ERBB4: variants seen among roughly 807,000 people sequenced by gnomAD.
ERBB4 encodes erb-b2 receptor tyrosine kinase 4.
In ERBB4, 42 loss-of-function variants were observed where a neutral mutation model predicts 158.0. The observed-to-expected ratio is 0.27, with a 90% CI of 0.21 to 0.34. ERBB4 has a LOEUF of 0.34. Ranked by LOEUF, ERBB4 falls within the 10% of genes least tolerant of loss-of-function variation. The probability of loss-of-function intolerance (pLI) is 1.00; values close to 1 mark genes in which losing one functional copy is unlikely to be tolerated. For missense variants in ERBB4, 1,333 were observed against 1,624.1 expected (o/e 0.82, Z 3.08); for synonymous variants, 583 against 558.7 (o/e 1.04, Z -0.61).
At chr2:211,430,097 T>C (rs921129331) in intron 21 of ERBB4, among the ~76,000 whole-genome samples, 1 of 152,146 alleles carries the variant, frequency 6.6e-6, no homozygotes, top group South Asian at 2.1e-4. Flanking sequence ...AAACCTATCA[T>C]TGCAAAATAT....
Position 211,721,674 on chromosome 2 carries a change from T to C in ERBB4, c.883+719A>G, listed in dbSNP as rs919428276. ...GTTTTGTTTAAGGTTAACTTGATAT[T>C]AAAAATATAATGCTAAGTATTCTAG... On this transcript the variant is annotated intron_variant, in intron 7 of 27. Transcript: ENST00000342788. Among the ~76,000 whole-genome samples the C allele has an allele frequency of 1.2e-4, 18 of 148,974 alleles. 1 individual carries two copies. Among genetic ancestry groups the C allele is most frequent in the Admixed American group, 3.4e-4 (5 of 14,890 alleles).
intron 1 of ERBB4, among the ~76,000 whole-genome samples, chr2:212,193,820 A>G (rs1270174684): frequency 6.6e-6 from 1 of 152,136 alleles, no homozygotes; most frequent in African/African-American, 2.4e-5. Context: ...CAATTAGAAT[A>G]CTAAAAAATA....
At chr2:211,944,800 T>C (rs2080633163) in intron 3 of ERBB4, among the ~76,000 whole-genome samples, 1 of 152,024 alleles carries the variant, frequency 6.6e-6, no homozygotes, top group Non-Finnish European at 1.5e-5. Context: ...ATTCAGTAGG[T>C]TTCAGGTGAG....
intron 2 of ERBB4, among the ~76,000 whole-genome samples, chr2:212,112,635 G>T (rs2079447202): frequency 6.6e-6 from 1 of 152,064 alleles, no homozygotes; most frequent in African/African-American, 2.4e-5. Flanking sequence ...TCCCGAGAAA[G>T]TCATTTAATT....
intron 18 of ERBB4, among the ~76,000 whole-genome samples, chr2:211,619,508 A>T (rs2069516389): frequency 6.6e-6 from 1 of 152,130 alleles, no homozygotes. Context: ...AGATGTTTAC[A>T]CTACTGTCAA....
At chr2:211,747,018 G>A (rs1465362776) in intron 5 of ERBB4, among the ~76,000 whole-genome samples, 1 of 151,862 alleles carries the variant, frequency 6.6e-6, no homozygotes, top group Non-Finnish European at 1.5e-5. Flanking sequence ...AGTGACTTTG[G>A]GGACTGTTTC....
chr2:211,772,951 A>AT (rs1454332286), intron 4 of ERBB4, among the ~76,000 whole-genome samples: 1,326 of 71,772 alleles, frequency 0.018, 130 homozygotes, highest in African/African-American at 0.05. Flanking sequence ...ATATATATAT[A>AT]TATATTTTTT....
At position 211,610,156 on chromosome 2, in the gene ERBB4, T is replaced by G. The variant is rs533920363; in HGVS notation, c.2301+9021A>C. Among the ~76,000 whole-genome samples the G allele has an allele frequency of 4.6e-5, 7 of 152,300 alleles. No individual in the cohort carries two copies. The South Asian group carries it at 1.2e-3, about 27-fold the overall frequency. On this transcript the variant is annotated intron_variant, in intron 19 of 27. Transcript: ENST00000342788. ...CTTTTATCCACATACCATACATGTG[T>G]AAAGATACATATGTCTTTTTATTAG... is the stretch of plus-strand genomic sequence containing the variant.
intron 1 of ERBB4, among the ~76,000 whole-genome samples, chr2:212,287,550 CTA>C (rs66609527): frequency 0.018 from 2,758 of 152,202 alleles, 84 homozygotes; most frequent in African/African-American, 0.063. Context: ...AGGGGGTAAC[CTA>C]ACAGGCTTCA....
At chr2:212,416,579 A>T (rs1357543773) in intron 1 of ERBB4, among the ~76,000 whole-genome samples, 1 of 152,114 alleles carries the variant, frequency 6.6e-6, no homozygotes, top group East Asian at 1.9e-4. Flanking sequence ...ATATTCGTAT[A>T]AAATACAAAT....
intron 2 of ERBB4, among the ~76,000 whole-genome samples, chr2:211,974,455 AG>A (rs1575459174): frequency 1.3e-5 from 2 of 152,200 alleles, no homozygotes; most frequent in Non-Finnish European, 2.9e-5. Flanking sequence ...TAAAACCCTC[AG>A]TTGTGGTTCA....
At chr2:211,772,848 T>TATATATACAC (rs1559504320) in intron 4 of ERBB4, among the ~76,000 whole-genome samples, 3 of 64,318 alleles carry the variant, frequency 4.7e-5, no homozygotes, top group African/African-American at 2.0e-4. Context: ...CATATATATA[T>TATATATACAC]ATATATATAT....
At chr2:212,489,991 A>C (rs2106195897) in intron 1 of ERBB4, among the ~76,000 whole-genome samples, 1 of 151,900 alleles carries the variant, frequency 6.6e-6, no homozygotes, top group East Asian at 1.9e-4. Flanking sequence ...ATTATGTTCT[A>C]AGAATATTGA....
At chr2:212,294,304 G>A (rs1488910098) in intron 1 of ERBB4, among the ~76,000 whole-genome samples, 1 of 151,852 alleles carries the variant, frequency 6.6e-6, no homozygotes, top group African/African-American at 2.4e-5. Context: ...AAATATTAGA[G>A]ATAAAACAAA....
At chr2:211,853,293 G>A (rs1457780616) in intron 3 of ERBB4, among the ~76,000 whole-genome samples, 1 of 151,928 alleles carries the variant, frequency 6.6e-6, no homozygotes, top group Non-Finnish European at 1.5e-5. Flanking sequence ...TAGGTCCAGA[G>A]TGAGCAGTCT....
At chr2:211,888,840 C>T (rs1016881744) in intron 3 of ERBB4, among the ~76,000 whole-genome samples, 1 of 151,614 alleles carries the variant, frequency 6.6e-6, no homozygotes, top group Non-Finnish European at 1.5e-5. Flanking sequence ...GCTTTTCAGA[C>T]CGGCTTAAAA....
intron 7 of ERBB4, among the ~76,000 whole-genome samples, chr2:211,718,201 C>T (rs1435122271): frequency 5.9e-5 from 9 of 152,186 alleles, no homozygotes; most frequent in East Asian, 3.9e-4. Flanking sequence ...CACGAGCCAC[C>T]GTGCCTGGCC....
chr2:211,744,480 T>A (rs1445740538), intron 5 of ERBB4, among the ~76,000 whole-genome samples: 1 of 152,216 alleles, frequency 6.6e-6, no homozygotes, highest in Non-Finnish European at 1.5e-5. Context: ...GTTTAAAACC[T>A]CTGGCCTCCC....
At chr2:211,439,126 C>T (rs1300400087) in intron 20 of ERBB4, among the ~76,000 whole-genome samples, 11 of 151,870 alleles carry the variant, frequency 7.2e-5, no homozygotes, top group Non-Finnish European at 7.4e-5. Context: ...GTTGATGATT[C>T]GTCTCAGCTT....
Sources: allele counts gnomAD v4.1 joint callset (sites outside exome capture counted in the v4.1 genomes callset), GRCh38; gene constraint gnomAD v4.1.1; transcripts MANE v1.5; gene names NCBI Gene and HGNC (gene_info 2026-07-23, HGNC 2026-07-21).